The following CES5A variants were observed in gnomAD, a reference collection of about 807,000 sequenced individuals.
CES5A encodes carboxylesterase 5A.
In CES5A, 67 loss-of-function variants were observed where a neutral mutation model predicts 62.9. That is an observed-to-expected ratio of 1.07 (90% CI 0.88 to 1.31). The LOEUF (loss-of-function observed/expected upper bound fraction) is 1.31. CES5A is among the 50% of genes most tolerant of loss of function. CES5A has a pLI of 0.00. For missense variants in CES5A, 748 were observed against 708.5 expected, an observed-to-expected ratio of 1.06 and a Z score of -0.63; for synonymous variants, 296 against 280.8, an observed-to-expected ratio of 1.05 and a Z score of -0.54.
intron 1 of CES5A, among the ~76,000 whole-genome samples, chr16:55,896,127 G>A (rs1238364796): frequency 6.6e-6 from 1 of 152,176 alleles, no homozygotes; most frequent in Non-Finnish European, 1.5e-5. Flanking sequence ...CATGGTAAAA[G>A]GTGAATGAGG....
intron 11 of CES5A, among the ~76,000 whole-genome samples, chr16:55,847,822 A>C (rs1329250615): frequency 3.3e-5 from 5 of 152,238 alleles, no homozygotes; most frequent in Admixed American, 2.6e-4. Flanking sequence ...TTTAGTGTGC[A>C]TATATACTTT....
intron 1 of CES5A, among the ~76,000 whole-genome samples, chr16:55,900,720 G>C (rs2033981917): frequency 6.6e-6 from 1 of 152,150 alleles, no homozygotes; most frequent in Non-Finnish European, 1.5e-5. Flanking sequence ...CAAGAGTCGA[G>C]CTTGCTCTCA....
chr16:55,876,600 G>C (rs997427682), upstream of CES5A, among the ~76,000 whole-genome samples: 3 of 152,182 alleles, frequency 2.0e-5, no homozygotes, highest in African/African-American at 7.2e-5. Context: ...TAAAGTGATG[G>C]GGTGCAGTGA....
chr16:55,905,826 G>A (rs17319026), intron 1 of CES5A, among the ~76,000 whole-genome samples: 12,286 of 152,210 alleles, frequency 0.081, 682 homozygotes, highest in Non-Finnish European at 0.12. Flanking sequence ...AAAACTATAC[G>A]CGCAATGGAG....
intron 1 of CES5A, among the ~76,000 whole-genome samples, chr16:55,921,698 G>A (rs1246680503): frequency 1.3e-5 from 2 of 148,386 alleles, no homozygotes; most frequent in Non-Finnish European, 3.0e-5. Flanking sequence ...AAAACTTACT[G>A]GTAAAATTAA....
chr16:55,889,026 G>A (rs1428858151), intron 1 of CES5A, among the ~76,000 whole-genome samples: 1 of 151,870 alleles, frequency 6.6e-6, no homozygotes, highest in South Asian at 2.1e-4. Flanking sequence ...ACAGTTAAAG[G>A]GGAGCTTTAC....
intron 4 of CES5A, among the ~76,000 whole-genome samples, chr16:55,868,216 A>C (rs2033505392): frequency 6.6e-6 from 1 of 152,236 alleles, no homozygotes; most frequent in Non-Finnish European, 1.5e-5. Context: ...AAGGAATCTT[A>C]TGCAGAATCC....
chr16:55,875,046 A>T lies in CES5A; in HGVS notation c.73+103T>A, dbSNP rs1040658030. 8 of 1,140,638 alleles carry T rather than the reference A, an allele frequency of 7.0e-6. No homozygotes were observed. In the African/African-American group the frequency reaches 1.2e-4, roughly 17 times the overall value. 70.7% of individuals were successfully genotyped at this position (1,140,638 alleles called of 1,614,324 possible). ...CCATCAAAGTACTACATAGCTCTCC[A>T]CTGGCCCTCAGAGACCTCTGAAGAA... On this transcript the variant is annotated intron_variant, in intron 1 of 12. Coordinates refer to ENST00000290567, the MANE Select transcript of CES5A (RefSeq NM_001143685.2).
chr16:55,877,148 C>T (rs1486222769), upstream of CES5A, among the ~76,000 whole-genome samples: 5 of 152,272 alleles, frequency 3.3e-5, no homozygotes, highest in South Asian at 1.0e-3. Flanking sequence ...CTCCCTCTGC[C>T]CTCCCACTCA....
At chr16:55,939,500 C>T (rs1048719899) in intron 2 of CES5A, among the ~76,000 whole-genome samples, 2 of 151,968 alleles carry the variant, frequency 1.3e-5, no homozygotes, top group Non-Finnish European at 1.5e-5. Context: ...TATTTTTTCC[C>T]CTCTGTTATT....
At chr16:55,860,562 G>A (rs2033332594) in intron 7 of CES5A, among the ~76,000 whole-genome samples, 1 of 152,230 alleles carries the variant, frequency 6.6e-6, no homozygotes. Flanking sequence ...GGTAGATGAA[G>A]TGGTCAGGAC....
upstream of CES5A, among the ~76,000 whole-genome samples, chr16:55,879,442 CATCCCTGCAAGCCCATGACTGCACCCT>C (rs1201355796): frequency 6.6e-6 from 1 of 151,620 alleles, no homozygotes; most frequent in African/African-American, 2.4e-5. Flanking sequence ...CACTATCTCC[CATCCCTGCAAGCCCATGACTGCACCCT>C]ATCACTGCAT....
At chr16:55,866,642 G>A (rs2033467293) in intron 4 of CES5A, among the ~76,000 whole-genome samples, 1 of 117,374 alleles carries the variant, frequency 8.5e-6, no homozygotes, top group South Asian at 2.7e-4. Context: ...CTAATATAGT[G>A]AAACTCTGTC....
At chr16:55,902,723 C>T (rs147808794) in intron 1 of CES5A, among the ~76,000 whole-genome samples, 1 of 152,314 alleles carries the variant, frequency 6.6e-6, no homozygotes, top group East Asian at 1.9e-4. Context: ...CAGATATAAT[C>T]TTATGCCTCT....
At chr16:55,892,257 C>T (rs2033888000) in intron 1 of CES5A, among the ~76,000 whole-genome samples, 1 of 152,076 alleles carries the variant, frequency 6.6e-6, no homozygotes, top group Non-Finnish European at 1.5e-5. Context: ...CCCCACACAC[C>T]CCCACACCAC....
intron 2 of CES5A, among the ~76,000 whole-genome samples, chr16:55,873,003 C>T (rs1276373327): frequency 6.6e-6 from 1 of 152,282 alleles, no homozygotes; most frequent in East Asian, 1.9e-4. Flanking sequence ...TGAGTTTCAG[C>T]TTGATGTCCT....
chr16:55,855,926 A>C (rs2033234544), intron 9 of CES5A, among the ~76,000 whole-genome samples: 1 of 152,128 alleles, frequency 6.6e-6, no homozygotes, highest in African/African-American at 2.4e-5. Context: ...GCAGTTTCTC[A>C]TGAATGGTTA....
upstream of CES5A, among the ~76,000 whole-genome samples, chr16:55,930,354 T>C (rs1337834065): frequency 6.6e-6 from 1 of 152,168 alleles, no homozygotes; most frequent in Non-Finnish European, 1.5e-5. Context: ...TTGCCCTGTC[T>C]CTCCGAATAT....
intron 10 of CES5A, among the ~76,000 whole-genome samples, chr16:55,852,300 A>T (rs1272947660): frequency 6.6e-6 from 1 of 152,114 alleles, no homozygotes; most frequent in Non-Finnish European, 1.5e-5. Flanking sequence ...TCCTTTTGTT[A>T]TTGATTTCTA....
Sources: gnomAD v4.1 joint callset for allele counts (sites outside exome capture counted in the v4.1 genomes callset) on GRCh38, gnomAD v4.1.1 for gene constraint, MANE v1.5 for transcripts, NCBI Gene and HGNC (gene_info 2026-07-23, HGNC 2026-07-21) for gene names.